The following TIAM2 variants were observed in gnomAD, a reference collection of about 807,000 sequenced individuals.
The protein encoded by TIAM2 is TIAM Rac1 associated GEF 2.
A neutral mutation model predicts 152.9 loss-of-function variants in TIAM2; 80 were observed. The ratio of observed to expected loss-of-function variants is 0.52; its 90% CI spans 0.44 to 0.63. The LOEUF (loss-of-function observed/expected upper bound fraction) is 0.63, where lower values mean the gene tolerates loss of function less well. Among genes scored for constraint, TIAM2 ranks in the 30% least tolerant of loss-of-function variants. The probability of loss-of-function intolerance (pLI) is 0.00; values close to 1 mark genes in which losing one functional copy is unlikely to be tolerated. For missense variants in TIAM2, 1,965 were observed against 2,120.1 expected (o/e 0.93, Z 1.44); for synonymous variants, 804 against 838.0 (o/e 0.96, Z 0.70).
At position 155,179,041 on chromosome 6, in the gene TIAM2, G is replaced by T. The variant is rs746519001; in HGVS notation, c.2526G>T (p.Met842Ile). 6.2e-7 allele frequency: 1 copy of T among 1,610,122 alleles called. No homozygotes were observed. The highest frequency in any genetic ancestry group is 8.5e-7 in the Non-Finnish European group (1 of 1,177,670). Reference sequence around the variant, plus strand: ...AATAACTGTCTTTTTCTTTATAGATGAGGCAGTTGGAACCCAGCCATTATG... The same window carrying T: ...AATAACTGTCTTTTTCTTTATAGATTAGGCAGTTGGAACCCAGCCATTATG... ...VEDILTLACK[M>I]RQLEPSHYGL... The change falls in exon 11 of 27, where the codon ATG (methionine) becomes ATT (isoleucine). Residue 842 changes from methionine to isoleucine, a missense_variant and splice_region_variant. This residue lies in a region of TIAM2 where 1,025 missense variants were observed against 1,119.4 expected (regional missense o/e 0.92). Transcript: ENST00000682666.
chr6:155,023,435 G>A (rs767822000), intron 1 of TIAM2, among the ~76,000 whole-genome samples: 3 of 152,124 alleles, frequency 2.0e-5, no homozygotes, highest in Non-Finnish European at 4.4e-5. Flanking sequence ...TTGAACCCTG[G>A]TCCTTTTCGG....
intron 1 of TIAM2, among the ~76,000 whole-genome samples, chr6:155,067,300 C>T (rs1197319628): frequency 6.6e-6 from 1 of 152,100 alleles, no homozygotes; most frequent in Non-Finnish European, 1.5e-5. Context: ...TCACCCCAAG[C>T]GTCCTCTCTC....
rs77927115 is a variant in TIAM2, at chr6:155,157,258, G to A, written c.2029-7157G>A. 1.0e-3 allele frequency among the ~76,000 whole-genome samples: 155 copies of A among 152,056 alleles called. 1 individual carries two copies. In the East Asian group the frequency reaches 0.017, roughly 17 times the overall value. Reference sequence around the variant, plus strand: ...TTCCAGGCCTTCCTGCTTCACCCCCGTCTAACAGAACGCCTCCTTTTGCCC... The same window carrying A: ...TTCCAGGCCTTCCTGCTTCACCCCCATCTAACAGAACGCCTCCTTTTGCCC... On this transcript the variant is annotated intron_variant, in intron 7 of 26. Transcript: ENST00000682666.
Position 155,247,312 on chromosome 6 carries a change from C to T in TIAM2, c.3653-688C>T, listed in dbSNP as rs539623414. ...TGGGTATGGTGTAGGGTCTGGATAA[C>T]ATTGCTTAATGGCTTTTTTGATGTT... On this transcript the variant is annotated intron_variant, in intron 19 of 26. Coordinates refer to ENST00000682666, the MANE Select transcript of TIAM2 (RefSeq NM_012454.4). Among the ~76,000 whole-genome samples, 11 of 152,248 alleles carry T rather than the reference C, an allele frequency of 7.2e-5. No homozygotes were observed. The South Asian group carries it at 2.3e-3, about 32-fold the overall frequency.
At chr6:155,096,495 A>C (rs1171301879) in intron 2 of TIAM2, among the ~76,000 whole-genome samples, 2 of 152,194 alleles carry the variant, frequency 1.3e-5, no homozygotes, top group Admixed American at 1.3e-4. Flanking sequence ...ACCTGTCTTC[A>C]TCCATTCCTT....
intron 2 of TIAM2, among the ~76,000 whole-genome samples, chr6:155,091,032 G>T (rs1202604670): frequency 6.6e-6 from 1 of 152,128 alleles, no homozygotes; most frequent in African/African-American, 2.4e-5. Context: ...GAGTTCGTGC[G>T]TGCTTAGCTG....
At chr6:155,175,710 AC>A (rs1254523274) in intron 9 of TIAM2, among the ~76,000 whole-genome samples, 101 of 152,324 alleles carry the variant, frequency 6.6e-4, no homozygotes, top group African/African-American at 2.4e-3. Context: ...ATAAGAACCT[AC>A]CCAGAGAGAA....
chr6:155,015,119 G>A (rs1310397687), intron 1 of TIAM2, among the ~76,000 whole-genome samples: 5 of 152,172 alleles, frequency 3.3e-5, no homozygotes, highest in Admixed American at 1.3e-4. Flanking sequence ...CAGAGAGTCC[G>A]CACAGGGGGG....
chr6:154,996,027 G>A (rs1778206118), intron 1 of TIAM2, among the ~76,000 whole-genome samples: 1 of 152,150 alleles, frequency 6.6e-6, no homozygotes, highest in Admixed American at 6.5e-5. Context: ...AGCCCCTCCG[G>A]CCTTTCCGAG....
chr6:155,098,596 A>G (rs1180939847), intron 2 of TIAM2, among the ~76,000 whole-genome samples: 1 of 152,192 alleles, frequency 6.6e-6, no homozygotes, highest in Non-Finnish European at 1.5e-5. Flanking sequence ...ATTTTTCTAA[A>G]TATAAAACCA....
chr6:155,195,991 G>A (rs146330355), intron 14 of TIAM2, among the ~76,000 whole-genome samples: 20 of 152,346 alleles, frequency 1.3e-4, no homozygotes, highest in South Asian at 4.1e-4. Flanking sequence ...GGGAGAAGCC[G>A]TTGCAGAGAA....
At chr6:155,035,550 T>G (rs953639497) in intron 1 of TIAM2, among the ~76,000 whole-genome samples, 1 of 152,168 alleles carries the variant, frequency 6.6e-6, no homozygotes, top group Non-Finnish European at 1.5e-5. Context: ...CAGACTAATG[T>G]TGGAGTTTTG....
At position 155,174,542 on chromosome 6, in the gene TIAM2, T is replaced by C. The variant is rs1349918578; in HGVS notation, c.2362-2274T>C. On this transcript the variant is annotated intron_variant, in intron 9 of 26. Transcript: ENST00000682666. This position sits in a 1 kb window ranked among gnomAD's most constrained non-coding sequence, Gnocchi z 4.2. ...CGTGCCACCATGCCCGGATAATTTT[T>C]ATTTTTAGTAGAGATAGGGTTTTAC... Among the ~76,000 whole-genome samples, 18 of 152,178 alleles carry C rather than the reference T, an allele frequency of 1.2e-4. No homozygotes were observed. Among genetic ancestry groups the C allele is most frequent in the Non-Finnish European group, 1.5e-5 (1 of 68,038 alleles).
chr6:155,024,173 G>A (rs1290293554), intron 1 of TIAM2, among the ~76,000 whole-genome samples: 1 of 152,150 alleles, frequency 6.6e-6, no homozygotes, highest in African/African-American at 2.4e-5. Flanking sequence ...ACAGCTTTAT[G>A]ATTCTGGGAA....
chr6:155,237,867 G>T, intron 15 of TIAM2, among the ~76,000 whole-genome samples: 1 of 152,226 alleles, frequency 6.6e-6, no homozygotes. Flanking sequence ...TGATGGGAAG[G>T]GCTGCCAAGA....
At chr6:155,201,210 C>T (rs942125519) in intron 14 of TIAM2, among the ~76,000 whole-genome samples, 3 of 152,198 alleles carry the variant, frequency 2.0e-5, no homozygotes, top group Admixed American at 2.0e-4. Context: ...AACCGTAGCA[C>T]TTACTGAAAA....
At chr6:155,125,122 T>C (rs1779262191) in intron 2 of TIAM2, among the ~76,000 whole-genome samples, 1 of 151,864 alleles carries the variant, frequency 6.6e-6, no homozygotes, top group South Asian at 2.1e-4. Context: ...AATACAAAAA[T>C]TAGCTGGGTG....
chr6:155,104,571 C>T (rs1778636210), intron 2 of TIAM2, among the ~76,000 whole-genome samples: 1 of 152,028 alleles, frequency 6.6e-6, no homozygotes, highest in Non-Finnish European at 1.5e-5. Flanking sequence ...TCCTGGCTAA[C>T]ACAGTGAAAC....
intron 7 of TIAM2, among the ~76,000 whole-genome samples, chr6:155,148,838 A>G (rs1583214939): frequency 1.3e-5 from 2 of 152,320 alleles, no homozygotes; most frequent in East Asian, 1.9e-4. Flanking sequence ...GCGGTTCCAT[A>G]TTCATATAAT....
Sources: allele counts gnomAD v4.1 joint callset (sites outside exome capture counted in the v4.1 genomes callset), GRCh38; gene constraint gnomAD v4.1.1; regional missense constraint gnomAD v4.1.1; non-coding constraint Gnocchi (gnomAD v3.1); transcripts MANE v1.5; gene names NCBI Gene and HGNC (gene_info 2026-07-23, HGNC 2026-07-21).